The following RSRC1 variants were observed in gnomAD, a reference collection of about 807,000 sequenced individuals.
RSRC1 encodes serine/Arginine-related protein 53.
In RSRC1, 39 loss-of-function variants were observed where a neutral mutation model predicts 49.1. The ratio of observed to expected loss-of-function variants is 0.79; its 90% CI spans 0.61 to 1.04. The LOEUF (loss-of-function observed/expected upper bound fraction) is 1.04, where lower values mean the gene tolerates loss of function less well. RSRC1 is among the 50% of genes least tolerant of loss of function. The pLI is 0.00. For missense variants in RSRC1, 388 were observed against 402.4 expected (o/e 0.96, Z 0.31); for synonymous variants, 143 against 130.8 (o/e 1.09, Z -0.63).
intron 4 of RSRC1, among the ~76,000 whole-genome samples, chr3:158,244,593 G>T (rs533901180): frequency 6.6e-6 from 1 of 152,140 alleles, no homozygotes; most frequent in Non-Finnish European, 1.5e-5. Context: ...TTTTTGTTTT[G>T]TTATATCTCT....
chr3:158,429,909 G>T (rs2108354745), intron 6 of RSRC1, among the ~76,000 whole-genome samples: 1 of 151,706 alleles, frequency 6.6e-6, no homozygotes, highest in Non-Finnish European at 1.5e-5. Context: ...TAATCAAAGG[G>T]CATATATTAA....
intron 6 of RSRC1, among the ~76,000 whole-genome samples, chr3:158,366,836 T>A (rs1018757415): frequency 6.6e-6 from 1 of 152,112 alleles, no homozygotes; most frequent in Non-Finnish European, 1.5e-5. Flanking sequence ...CGAGCAGTGG[T>A]TTGTAGTTCT....
At chr3:158,377,503 C>A (rs1458778930) in intron 6 of RSRC1, among the ~76,000 whole-genome samples, 8 of 152,104 alleles carry the variant, frequency 5.3e-5, no homozygotes, top group Non-Finnish European at 7.4e-5. Context: ...TCTTCTCATT[C>A]TCCCGCTCTT....
intron 5 of RSRC1, among the ~76,000 whole-genome samples, chr3:158,348,972 G>A (rs4679826): frequency 0.97 from 148,372 of 152,294 alleles, 72,301 homozygotes; most frequent in East Asian, 1. Flanking sequence ...CATATACCAC[G>A]TTTTCTTTAT....
intron 4 of RSRC1, among the ~76,000 whole-genome samples, chr3:158,244,129 C>T (rs569130807): frequency 1.6e-4 from 25 of 152,054 alleles, no homozygotes; most frequent in Non-Finnish European, 1.0e-4. Flanking sequence ...TTTCCCTTGT[C>T]GGATAATCCT....
chr3:158,144,196 A>G (rs1716930430), intron 3 of RSRC1, among the ~76,000 whole-genome samples: 1 of 152,124 alleles, frequency 6.6e-6, no homozygotes, highest in African/African-American at 2.4e-5. Context: ...CAGGTTTGTT[A>G]CATATGTATA....
chr3:158,234,799 A>G (rs1016805601), intron 4 of RSRC1, among the ~76,000 whole-genome samples: 6 of 152,162 alleles, frequency 3.9e-5, no homozygotes, highest in Admixed American at 3.9e-4. Flanking sequence ...CAAATCTTTA[A>G]TCACTCTTTC....
chr3:158,270,722 G>C (rs1379089214), intron 4 of RSRC1, among the ~76,000 whole-genome samples: 1 of 151,960 alleles, frequency 6.6e-6, no homozygotes, highest in African/African-American at 2.4e-5. Context: ...TTCTGCTATA[G>C]CTTAAATTTT....
intron 7 of RSRC1, among the ~76,000 whole-genome samples, chr3:158,518,408 A>G (rs953092503): frequency 6.8e-6 from 1 of 147,550 alleles, no homozygotes; most frequent in Non-Finnish European, 1.5e-5. Flanking sequence ...CAATTTCTTT[A>G]TGGGTTAAAG....
Position 158,303,902 on chromosome 3 carries a change from C to A in RSRC1, c.531+5827C>A, listed in dbSNP as rs535707979. Among the ~76,000 whole-genome samples, 28 of 152,082 alleles carry A rather than the reference C, an allele frequency of 1.8e-4. No homozygotes were observed. In the Middle Eastern group the frequency reaches 0.01, roughly 55 times the overall value. On this transcript the variant is annotated intron_variant, in intron 5 of 9. Transcript: ENST00000611884. The stretch of plus-strand genomic sequence containing the variant: ...AGTTGGACACTAGGACTAATAATAC[C>A]TTGTTAAGCTTTAAGTGGGAAATTA...
chr3:158,332,309 A>G (rs1729592354), intron 5 of RSRC1, among the ~76,000 whole-genome samples: 1 of 152,180 alleles, frequency 6.6e-6, no homozygotes, highest in South Asian at 2.1e-4. Flanking sequence ...GATTATACTA[A>G]TGTTGACTAA....
In RSRC1 at chr3:158,449,276, C is replaced by G. The variant is rs144019661; in HGVS notation, c.584-11659C>G. 2.0e-4 allele frequency among the ~76,000 whole-genome samples: 31 copies of G among 151,950 alleles called. No homozygotes were observed. The East Asian group carries it at 5.0e-3, about 25-fold the overall frequency. ...TTAATAATGAAATATCTTTATCCCT[C>G]TTAGAATCTGAGTTAGGGAAGAAAT... On this transcript the variant is annotated intron_variant, in intron 6 of 9. Transcript: ENST00000611884.
intron 3 of RSRC1, among the ~76,000 whole-genome samples, chr3:158,169,780 A>G (rs1297370483): frequency 6.6e-6 from 1 of 152,106 alleles, no homozygotes; most frequent in Non-Finnish European, 1.5e-5. Context: ...GGGTACTTCT[A>G]ACCCTCTCTG....
At position 158,122,146 on chromosome 3, in the gene RSRC1, C is replaced by G; in HGVS notation, c.42C>G (p.Ser14Arg). 1.3e-6 allele frequency: 2 copies of G among 1,563,260 alleles called. No individual in the cohort carries two copies. The highest frequency in any genetic ancestry group is 8.7e-7 in the Non-Finnish European group (1 of 1,156,010). Residue 14 changes from serine (S) to arginine (R), a missense_variant, in exon 2 of 10, where the codon AGC (serine) becomes AGG (arginine). Transcript: ENST00000611884. ...RSSDTEEESR[S>R]KRKKKHRRRS... is the part of the protein sequence containing the mutation. ...CAGATACTGAAGAAGAAAGCAGAAGCAAGAGAAAAAAGAAACACCGTAGAC... is the reference window on the plus strand; with the variant it reads ...CAGATACTGAAGAAGAAAGCAGAAGGAAGAGAAAAAAGAAACACCGTAGAC...
At position 158,237,731 on chromosome 3, in the gene RSRC1, T is replaced by C. The variant is rs376257725; in HGVS notation, c.494+34486T>C. Among the ~76,000 whole-genome samples the C allele has an allele frequency of 3.3e-5, 5 of 152,316 alleles. No individual in the cohort carries two copies. The South Asian group carries it at 8.3e-4, about 25-fold the overall frequency. On this transcript the variant is annotated intron_variant, in intron 4 of 9. Coordinates refer to ENST00000611884, the MANE Select transcript of RSRC1 (RefSeq NM_001271838.2). Reference sequence around the variant, plus strand: ...CTGAGTCAATGGGGTTTTCTAAATATACAGTCATGTCATCTGCAGACAGGG... The same window carrying C: ...CTGAGTCAATGGGGTTTTCTAAATACACAGTCATGTCATCTGCAGACAGGG...
At chr3:158,372,979 A>C (rs1022641614) in intron 6 of RSRC1, among the ~76,000 whole-genome samples, 2 of 151,764 alleles carry the variant, frequency 1.3e-5, no homozygotes, top group Admixed American at 6.6e-5. Context: ...TTTTTGTTTA[A>C]GTTTTTATTT....
chr3:158,534,960 G>T (rs1239982505), intron 7 of RSRC1, among the ~76,000 whole-genome samples: 1 of 151,294 alleles, frequency 6.6e-6, no homozygotes, highest in Non-Finnish European at 1.5e-5. Flanking sequence ...CCTCTAGATT[G>T]GAGTAAGAAC....
At chr3:158,125,033 A>G (rs769319667) in intron 3 of RSRC1, among the ~76,000 whole-genome samples, 5 of 151,920 alleles carry the variant, frequency 3.3e-5, no homozygotes, top group Non-Finnish European at 5.9e-5. Flanking sequence ...TGCCCAGGCT[A>G]GTCTCCAACT....
At chr3:158,396,234 G>C (rs1733602821) in intron 6 of RSRC1, among the ~76,000 whole-genome samples, 1 of 151,956 alleles carries the variant, frequency 6.6e-6, no homozygotes, top group Admixed American at 6.6e-5. Flanking sequence ...CTACCTATCA[G>C]GTACTATGCT....
Sources: allele counts gnomAD v4.1 joint callset (sites outside exome capture counted in the v4.1 genomes callset), GRCh38; gene constraint gnomAD v4.1.1; transcripts MANE v1.5; gene names NCBI Gene and HGNC (gene_info 2026-07-23, HGNC 2026-07-21).